BANP: variants seen among roughly 807,000 people sequenced by gnomAD.
BANP encodes protein BANP.
In BANP, 11 loss-of-function variants were observed where a neutral mutation model predicts 68.1. The observed-to-expected ratio is 0.16, with a 90% CI of 0.10 to 0.27. BANP has a LOEUF of 0.27. Among genes scored for constraint, BANP ranks in the 10% least tolerant of loss-of-function variants. BANP has a pLI of 1.00. For synonymous variants in BANP, 329 were observed against 303.2 expected (o/e 1.09, Z -0.88); for missense variants, 504 against 722.7 (o/e 0.70, Z 3.47).
chr16:88,018,537 G>T lies in BANP; in HGVS notation c.765G>T (p.Thr255=), dbSNP rs1346889121. 4 of 1,613,530 alleles carry T rather than the reference G, an allele frequency of 2.5e-6. No individual in the cohort carries two copies. The South Asian group carries it at 4.4e-5, about 18-fold the overall frequency. Reference sequence around the variant, plus strand: ...TGCACATCAGCACCAACTGCCGCACGGCCGAGAAGATGGCGCTCACGCTGC... The same window carrying T: ...TGCACATCAGCACCAACTGCCGCACTGCCGAGAAGATGGCGCTCACGCTGC... ...DMLHISTNCR[T]AEKMALTLLD... Residue 255 remains threonine (T), a synonymous_variant, in exon 7 of 14, where the codon ACG becomes ACT. Coordinates refer to ENST00000682872, the MANE Select transcript of BANP (RefSeq NM_001386991.1). The surrounding 1 kb of genome is among the most constrained non-coding windows in gnomAD (Gnocchi z 7.7).
intron 1 of BANP, among the ~76,000 whole-genome samples, chr16:87,958,415 C>T (rs564288204): frequency 3.3e-5 from 5 of 152,188 alleles, no homozygotes; most frequent in African/African-American, 4.8e-5. Flanking sequence ...AACTTACCAT[C>T]GTAGGCCCCA....
chr16:88,045,425 G>T (rs1265647017), intron 11 of BANP, among the ~76,000 whole-genome samples: 2 of 152,260 alleles, frequency 1.3e-5, no homozygotes, highest in African/African-American at 4.8e-5. Flanking sequence ...CGCTTCAGTT[G>T]CAGCTGGGCT....
intron 11 of BANP, among the ~76,000 whole-genome samples, chr16:88,060,878 C>T (rs1312423040): frequency 6.9e-6 from 1 of 145,048 alleles, no homozygotes; most frequent in Admixed American, 6.9e-5. Context: ...CTCCCTCTCA[C>T]CATCCAGAAG....
At chr16:87,949,916 T>C (rs1235701904), upstream of BANP, among the ~76,000 whole-genome samples, 60 of 151,288 alleles carry the variant, frequency 4.0e-4, no homozygotes, top group East Asian at 2.9e-3. Flanking sequence ...CTCGTTCTGC[T>C]GCCCAGGCTG....
chr16:87,984,101 G>C lies in BANP; in HGVS notation c.204G>C (p.Leu68Phe). The change falls in exon 4 of 14, where the codon TTG becomes TTC. Residue 68 changes from leucine (L) to phenylalanine (F), a missense_variant. By Grantham distance (22) the Leu-to-Phe change is conservative (BLOSUM62 0). Coordinates refer to ENST00000682872, the MANE Select transcript of BANP (RefSeq NM_001386991.1). ...YSINQTICLR[L>F]DSIEAKLQAL... ...TCAACCAGACAATCTGCTTGCGGTT[G>C]GATAGCATTGAAGCCAAATTGCAAG... is the stretch of plus-strand genomic sequence containing the variant. The C allele has an allele frequency of 6.2e-7, 1 of 1,614,010 alleles. No homozygotes were observed. The highest frequency in any genetic ancestry group is 8.5e-7 in the Non-Finnish European group (1 of 1,179,962).
In BANP at chr16:88,072,204, G is replaced by A. The variant is rs780098631; in HGVS notation, c.1513G>A (p.Gly505Arg). ...QLAPVSDHTAGAQTAEALQPT... is the reference protein window; with the variant it reads ...QLAPVSDHTARAQTAEALQPT... ...GGCGCCAGTGAGTGACCACACGGCC[G>A]GGGCACAGGTGAGTCTGGGGCCCCG... Residue 505 changes from glycine to arginine, a missense_variant, in exon 13 of 14, where the codon GGG becomes AGG. This residue lies in a region of BANP where 223 missense variants were observed against 246.2 expected (regional missense o/e 0.91). Coordinates refer to ENST00000682872, the MANE Select transcript of BANP (RefSeq NM_001386991.1). 11 of 1,609,784 alleles carry A rather than the reference G, an allele frequency of 6.8e-6. No individual in the cohort carries two copies. Among genetic ancestry groups the A allele is most frequent in the Admixed American group, 6.7e-5 (4 of 59,918 alleles).
chr16:87,951,542 C>G (rs970085907), intron 1 of BANP, 27 bp downstream of exon 1: 3 of 152,782 alleles, frequency 2.0e-5, no homozygotes, highest in Non-Finnish European at 2.9e-5. Flanking sequence ...CAGCCGGTCG[C>G]GCCTCCGCCT....
chr16:87,968,619 A>G (rs2060550502), intron 1 of BANP, among the ~76,000 whole-genome samples: 1 of 152,230 alleles, frequency 6.6e-6, no homozygotes, highest in South Asian at 2.1e-4. Context: ...CTGAGCTGAA[A>G]GATCCTCTTC....
chr16:87,994,851 G>A (rs1354559534), intron 4 of BANP, among the ~76,000 whole-genome samples: 1 of 152,362 alleles, frequency 6.6e-6, no homozygotes, highest in South Asian at 2.1e-4. Context: ...TAGTCTGAGT[G>A]CTGATTGTAT....
intron 1 of BANP, among the ~76,000 whole-genome samples, chr16:87,964,121 G>C (rs2059641528): frequency 6.6e-6 from 1 of 152,190 alleles, no homozygotes; most frequent in African/African-American, 2.4e-5. Context: ...AGTCCTTATT[G>C]AAATCAGGAC....
rs1220232507 is a variant in BANP at position 88,002,174 on chromosome 16, ACT to A, written c.363-2118_363-2117del. On this transcript the variant is annotated intron_variant, in intron 4 of 13. Transcript: ENST00000682872. The surrounding 1 kb of genome is among the most constrained non-coding windows in gnomAD (Gnocchi z 4.6). ...GGTCCTGCTGTTTTTGGTTTTTATA[ACT>A]CTGGGTGCTGGGAAACTTGGGTCCC... 6.6e-6 allele frequency among the ~76,000 whole-genome samples: 1 copy of A among 151,744 alleles called. No homozygotes were observed. The highest frequency in any genetic ancestry group is 2.4e-5 in the African/African-American group (1 of 41,260).
At chr16:88,028,985 A>G (rs982103527) in intron 8 of BANP, among the ~76,000 whole-genome samples, 4 of 152,196 alleles carry the variant, frequency 2.6e-5, no homozygotes, top group African/African-American at 9.7e-5. Context: ...TAAGCACTGC[A>G]TTAGTTTTAT....
chr16:88,028,921 G>A (rs1279983169), intron 8 of BANP, among the ~76,000 whole-genome samples: 3 of 152,200 alleles, frequency 2.0e-5, no homozygotes, highest in African/African-American at 7.2e-5. Context: ...TAGGTAGTAG[G>A]ATAATTTTTA....
At chr16:88,056,934 C>T (rs1464511653) in intron 11 of BANP, among the ~76,000 whole-genome samples, 3 of 152,222 alleles carry the variant, frequency 2.0e-5, no homozygotes, top group African/African-American at 4.8e-5. Context: ...TTTAAAACTA[C>T]GGCTTACGTT....
rs553178939 is a variant in BANP at position 88,061,163 on chromosome 16, G to A, written c.1312-4104G>A. Among the ~76,000 whole-genome samples, 260 of 152,306 alleles carry A rather than the reference G, an allele frequency of 1.7e-3. 1 individual carries two copies. The highest frequency in any genetic ancestry group is 6.0e-3 in the African/African-American group (251 of 41,554). On this transcript the variant is annotated intron_variant, in intron 11 of 13. Coordinates refer to ENST00000682872, the MANE Select transcript of BANP (RefSeq NM_001386991.1). ...TCATGCTGAAACGCTGGAGCCAGCCGCAGAGCACTGTGGAGACTGCTGTGC... is the reference window on the plus strand; with the variant it reads ...TCATGCTGAAACGCTGGAGCCAGCCACAGAGCACTGTGGAGACTGCTGTGC...
At chr16:88,042,900 G>C (rs1285503060) in intron 11 of BANP, among the ~76,000 whole-genome samples, 1 of 152,190 alleles carries the variant, frequency 6.6e-6, no homozygotes, top group Non-Finnish European at 1.5e-5. Flanking sequence ...CTGGGCAACA[G>C]AGCAAGACCC....
rs1567942041 is a variant in BANP, at chr16:88,071,116, G to C, written c.1378-953G>C. The C allele has an allele frequency of 3.5e-6, 1 of 281,728 alleles. No individual in the cohort carries two copies. Among genetic ancestry groups the C allele is most frequent in the Non-Finnish European group, 6.9e-6 (1 of 144,320 alleles). The allele number at this position is 281,728 out of a possible 1,614,324, so 17.5% of individuals were successfully genotyped here. A position where few individuals can be genotyped will look rare whatever the true frequency, so the allele number is the denominator to read the frequency against. On this transcript the variant is annotated intron_variant, in intron 12 of 13. Transcript: ENST00000682872. This position sits in a 1 kb window ranked among gnomAD's most constrained non-coding sequence, Gnocchi z 6.5. ...GGATGCTGCGGCCAGGCTCCGTGGG[G>C]TGGGGCACCCTGCGACGGGCTGCTC...
intron 4 of BANP, among the ~76,000 whole-genome samples, chr16:87,987,712 C>CAAAA (rs66648819): frequency 0.08 from 2,415 of 30,360 alleles, 559 homozygotes; most frequent in East Asian, 0.39. Flanking sequence ...GACCCTAACT[C>CAAAA]AAAAAAAAAA....
intron 1 of BANP, among the ~76,000 whole-genome samples, chr16:87,969,185 G>A (rs1413050922): frequency 6.6e-6 from 1 of 151,944 alleles, no homozygotes; most frequent in Non-Finnish European, 1.5e-5. Flanking sequence ...GCTATGCAAT[G>A]CTGACATCCA....
Sources: gnomAD v4.1 joint callset for allele counts (sites outside exome capture counted in the v4.1 genomes callset) on GRCh38, gnomAD v4.1.1 for gene constraint, gnomAD v4.1.1 regional missense constraint, Gnocchi (gnomAD v3.1) non-coding constraint, MANE v1.5 for transcripts, NCBI Gene and HGNC (gene_info 2026-07-23, HGNC 2026-07-21) for gene names.